PCDH15: variants seen among roughly 807,000 people sequenced by gnomAD.
PCDH15 encodes protocadherin related 15.
Under a neutral mutation model 178.5 loss-of-function variants are expected in PCDH15, and 129 were observed. The ratio of observed to expected loss-of-function variants is 0.72; its 90% CI spans 0.63 to 0.84. The LOEUF is 0.84. Among genes scored for constraint, PCDH15 ranks in the 40% least tolerant of loss-of-function variants. PCDH15 has a pLI of 0.00. For missense variants in PCDH15, 2,230 were observed against 2,099.9 expected, an observed-to-expected ratio of 1.06 and a Z score of -1.21; for synonymous variants, 800 against 732.0, an observed-to-expected ratio of 1.09 and a Z score of -1.50.
At chr10:55,611,684 T>C (rs1011109440) in intron 2 of PCDH15, among the ~76,000 whole-genome samples, 1 of 152,096 alleles carries the variant, frequency 6.6e-6, no homozygotes, top group African/African-American at 2.4e-5. Flanking sequence ...AATCAGTATG[T>C]TGACTAGATA....
At chr10:54,530,923 TA>T (rs1424762910) in intron 2 of PCDH15, among the ~76,000 whole-genome samples, 5 of 152,218 alleles carry the variant, frequency 3.3e-5, no homozygotes, top group Admixed American at 6.5e-5. Context: ...ACAGCATAAT[TA>T]ATTAGTTTTG....
intron 29 of PCDH15, among the ~76,000 whole-genome samples, chr10:53,835,009 T>C (rs2077224923): frequency 6.6e-6 from 1 of 152,238 alleles, no homozygotes; most frequent in Non-Finnish European, 1.5e-5. Context: ...TTCATTACAC[T>C]GTATAAGATT....
chr10:54,771,157 G>C (rs1260450659), intron 1 of PCDH15, among the ~76,000 whole-genome samples: 1 of 151,850 alleles, frequency 6.6e-6, no homozygotes, highest in Admixed American at 6.6e-5. Flanking sequence ...TAACCTTCAT[G>C]GTCTATTTCT....
rs145884188 is a variant in PCDH15 at position 55,330,449 on chromosome 10, C to T, written c.-155-163798G>A. ...TATTTTAGATTCAGTGGCACTGGCA[C>T]TGGTGATTATTTCTTCCTTTTCCTA... On this transcript the variant is annotated intron_variant, in intron 2 of 5. Transcript: ENST00000613346. Among the ~76,000 whole-genome samples, 322 of 151,930 alleles carry T rather than the reference C, an allele frequency of 2.1e-3. 1 individual carries two copies. The highest frequency in any genetic ancestry group is 7.7e-3 in the African/African-American group (319 of 41,526).
intron 2 of PCDH15, among the ~76,000 whole-genome samples, chr10:55,455,724 T>TA (rs149458048): frequency 0.014 from 2,198 of 152,212 alleles, 64 homozygotes; most frequent in East Asian, 0.11. Context: ...TTTGCCTGTA[T>TA]AAAAAATGTA....
chr10:54,104,637 A>C (rs567682431), intron 15 of PCDH15, among the ~76,000 whole-genome samples: 1 of 151,472 alleles, frequency 6.6e-6, no homozygotes, highest in Non-Finnish European at 1.5e-5. Flanking sequence ...GGAGATCGAG[A>C]CCATCCTGGT....
At chr10:54,647,164 C>T (rs116605767) in intron 2 of PCDH15, among the ~76,000 whole-genome samples, 1,562 of 151,986 alleles carry the variant, frequency 0.01, 25 homozygotes, top group African/African-American at 0.035. Flanking sequence ...TCTTAAAGGG[C>T]GGAAAGAAAA....
intron 23 of PCDH15, among the ~76,000 whole-genome samples, chr10:53,941,283 G>T (rs2086043181): frequency 2.6e-5 from 4 of 151,962 alleles, no homozygotes; most frequent in African/African-American, 9.7e-5. Context: ...TATCATATAG[G>T]GTATTCTCAC....
intron 3 of PCDH15, among the ~76,000 whole-genome samples, chr10:54,838,868 T>C (rs1445147638): frequency 6.6e-6 from 1 of 152,102 alleles, no homozygotes; most frequent in East Asian, 1.9e-4. Context: ...ACTGACTCAA[T>C]AGGAAACCTC....
chr10:55,519,110 A>C (rs987401239), intron 2 of PCDH15, among the ~76,000 whole-genome samples: 5 of 150,778 alleles, frequency 3.3e-5, no homozygotes, highest in South Asian at 2.1e-4. Flanking sequence ...AAAAAAAAAA[A>C]AAAAAAACAA....
At chr10:54,198,993 G>A (rs1302654975) in intron 10 of PCDH15, among the ~76,000 whole-genome samples, 1 of 152,072 alleles carries the variant, frequency 6.6e-6, no homozygotes, top group Non-Finnish European at 1.5e-5. Context: ...CAGCAGCTGT[G>A]AAGCCAGTAA....
chr10:54,326,975 T>C (rs1938261276), intron 7 of PCDH15, among the ~76,000 whole-genome samples: 2 of 152,154 alleles, frequency 1.3e-5, no homozygotes, highest in Non-Finnish European at 1.5e-5. Context: ...TTCTTCCTAA[T>C]GCTATTCCTT....
intron 2 of PCDH15, among the ~76,000 whole-genome samples, chr10:55,578,727 G>A (rs1842546569): frequency 6.6e-6 from 1 of 152,112 alleles, no homozygotes; most frequent in African/African-American, 2.4e-5. Context: ...CACATGGCTG[G>A]GGAGTCCTCA....
chr10:54,817,796 A>G (rs886470714), intron 3 of PCDH15, among the ~76,000 whole-genome samples: 10 of 152,100 alleles, frequency 6.6e-5, no homozygotes, highest in African/African-American at 9.7e-5. Context: ...GAGAATTACA[A>G]TATGTGCTGA....
At chr10:55,407,436 C>A (rs1396102406) in intron 2 of PCDH15, among the ~76,000 whole-genome samples, 2 of 152,116 alleles carry the variant, frequency 1.3e-5, no homozygotes, top group Non-Finnish European at 2.9e-5. Context: ...CTTCTCTTTT[C>A]CACATGAAAA....
At chr10:55,269,508 T>G (rs1230638010) in intron 1 of PCDH15, among the ~76,000 whole-genome samples, 1 of 151,826 alleles carries the variant, frequency 6.6e-6, no homozygotes, top group Non-Finnish European at 1.5e-5. Context: ...GAGAGGCAAA[T>G]CAAGAACATG....
intron 29 of PCDH15, among the ~76,000 whole-genome samples, chr10:53,839,461 T>C (rs994126307): frequency 6.6e-6 from 1 of 152,048 alleles, no homozygotes; most frequent in African/African-American, 2.4e-5. Flanking sequence ...TGGATATGTT[T>C]ATATGCTGTT....
chr10:54,766,275 A>C (rs1277572569), intron 1 of PCDH15, among the ~76,000 whole-genome samples: 1 of 152,176 alleles, frequency 6.6e-6, no homozygotes, highest in African/African-American at 2.4e-5. Flanking sequence ...TGAGAGAAAG[A>C]GATAAATTAG....
chr10:55,519,016 C>T (rs1004986706), intron 2 of PCDH15, among the ~76,000 whole-genome samples: 1 of 142,852 alleles, frequency 7.0e-6, no homozygotes, highest in African/African-American at 2.6e-5. Context: ...ATCACTTGAA[C>T]CAGGGAAGCC....
Sources: allele counts gnomAD v4.1 joint callset (sites outside exome capture counted in the v4.1 genomes callset), GRCh38; gene constraint gnomAD v4.1.1; transcripts MANE v1.5; gene names NCBI Gene and HGNC (gene_info 2026-07-23, HGNC 2026-07-21).